The following FAR2 variants were observed in gnomAD, a reference collection of about 807,000 sequenced individuals.
FAR2 encodes epididymis secretory protein Li 81.
Under a neutral mutation model 56.0 loss-of-function variants are expected in FAR2, and 19 were observed. The ratio of observed to expected loss-of-function variants is 0.34; its 90% CI spans 0.24 to 0.50. FAR2 has a LOEUF of 0.50. Ranked by LOEUF, FAR2 falls within the 20% of genes least tolerant of loss-of-function variation. FAR2 has a pLI of 0.98. For synonymous variants in FAR2, 219 were observed against 218.8 expected (o/e 1.00, Z -0.01); for missense variants, 508 against 642.2 (o/e 0.79, Z 2.26).
intron 2 of FAR2, among the ~76,000 whole-genome samples, chr12:29,279,328 C>T: frequency 6.6e-6 from 1 of 152,242 alleles, no homozygotes; most frequent in East Asian, 1.9e-4. Context: ...GAACACTTGC[C>T]TCGGACTGCC....
chr12:29,246,023 C>A (rs913296241), intron 1 of FAR2, among the ~76,000 whole-genome samples: 1 of 151,346 alleles, frequency 6.6e-6, no homozygotes, highest in East Asian at 1.9e-4. Context: ...TATTGTTATA[C>A]ATAATATGCT....
intron 1 of FAR2, among the ~76,000 whole-genome samples, chr12:29,248,989 A>T (rs1416889006): frequency 6.6e-6 from 1 of 152,172 alleles, no homozygotes; most frequent in Non-Finnish European, 1.5e-5. Context: ...AGGTGCCCAG[A>T]TTTCATATTG....
intron 10 of FAR2, among the ~76,000 whole-genome samples, chr12:29,331,210 C>CTTT (rs34349053): frequency 1.4e-5 from 2 of 142,116 alleles, no homozygotes. Context: ...TAAAGATAGG[C>CTTT]TTTTTTTTTT....
At chr12:29,264,616 A>AAAAT (rs148784734) in intron 1 of FAR2, among the ~76,000 whole-genome samples, 58,245 of 129,864 alleles carry the variant, frequency 0.45, 14,249 homozygotes, top group African/African-American at 0.5. Flanking sequence ...ATCCTGTCTC[A>AAAAT]AAATAAATAA....
chr12:29,172,069 G>C (rs149352423), intron 1 of FAR2: 5,185 of 146,864 alleles, frequency 0.035, 133 homozygotes, highest in Middle Eastern at 0.085. Context: ...AGTGAGGAGC[G>C]CCTCTGCCCA....
chr12:29,318,481 T>C (rs1284832058), intron 9 of FAR2, among the ~76,000 whole-genome samples: 1 of 152,182 alleles, frequency 6.6e-6, no homozygotes, highest in Non-Finnish European at 1.5e-5. Context: ...AAAATCTATA[T>C]GTATCTTGTG....
chr12:29,200,229 A>G (rs1947389399), intron 1 of FAR2, among the ~76,000 whole-genome samples: 1 of 152,188 alleles, frequency 6.6e-6, no homozygotes, highest in Non-Finnish European at 1.5e-5. Flanking sequence ...ATTTATGAAG[A>G]TTACAGTGTG....
intron 3 of FAR2, among the ~76,000 whole-genome samples, chr12:29,294,312 A>C (rs189018587): frequency 6.6e-6 from 1 of 151,446 alleles, no homozygotes; most frequent in East Asian, 1.9e-4. Context: ...TTTTTTTCTT[A>C]TTAAGACTTC....
chr12:29,183,283 G>A (rs1053146848), intron 1 of FAR2, among the ~76,000 whole-genome samples: 2 of 151,782 alleles, frequency 1.3e-5, no homozygotes, highest in East Asian at 3.9e-4. Flanking sequence ...TCTTTCCTTG[G>A]CCTCCTTTTC....
At chr12:29,237,160 C>T (rs998628582) in intron 1 of FAR2, among the ~76,000 whole-genome samples, 5 of 152,062 alleles carry the variant, frequency 3.3e-5, no homozygotes, top group Non-Finnish European at 7.4e-5. Context: ...GAGTTAAGTG[C>T]AAAGTGATTG....
At chr12:29,246,882 C>T (rs1037943860) in intron 1 of FAR2, among the ~76,000 whole-genome samples, 1 of 151,712 alleles carries the variant, frequency 6.6e-6, no homozygotes, top group African/African-American at 2.4e-5. Context: ...TAACATGGAA[C>T]AAGTTCCTAT....
intron 1 of FAR2, among the ~76,000 whole-genome samples, chr12:29,231,973 A>T (rs1000419853): frequency 2.0e-5 from 3 of 152,210 alleles, no homozygotes; most frequent in Non-Finnish European, 4.4e-5. Flanking sequence ...AGATTTTCAA[A>T]TGTTTGGAGA....
chr12:29,322,089 T>C (rs562205524), intron 10 of FAR2, among the ~76,000 whole-genome samples, 165 bp downstream of exon 10: 38 of 152,346 alleles, frequency 2.5e-4, no homozygotes, highest in Non-Finnish European at 4.7e-4. Flanking sequence ...AACACCACCG[T>C]AGGAAACAAG....
At chr12:29,188,568 A>G (rs769045252) in intron 1 of FAR2, among the ~76,000 whole-genome samples, 1 of 152,190 alleles carries the variant, frequency 6.6e-6, no homozygotes, top group East Asian at 1.9e-4. Context: ...CATTGTTAGC[A>G]TCTTAATATA....
intron 6 of FAR2, chr12:29,309,647 T>C (rs7294517): frequency 0.032 from 4,880 of 154,332 alleles, 102 homozygotes; most frequent in South Asian, 0.069. Flanking sequence ...TATGTGCGTG[T>C]GTAGAAAAGA....
In FAR2 at chr12:29,257,533, T is replaced by C. The variant is rs542680558; in HGVS notation, c.-38-12879T>C. Among the ~76,000 whole-genome samples the C allele has an allele frequency of 2.8e-3, 430 of 152,244 alleles. 2 individuals are homozygous for C. The highest frequency in any genetic ancestry group is 4.9e-3 in the Non-Finnish European group (331 of 68,004). On this transcript the variant is annotated intron_variant, in intron 1 of 11. Transcript: ENST00000536681. The stretch of plus-strand genomic sequence containing the variant: ...AGCTTTGTTCTTTCGCTCTTTGCAA[T>C]AAATCTTGCTACTGCTCACTCTTTG...
chr12:29,292,265 C>T (rs930386174), intron 2 of FAR2: 11 of 152,178 alleles, frequency 7.2e-5, no homozygotes, highest in African/African-American at 2.7e-4. Context: ...GAAACCATCT[C>T]CTACTTCTTG....
At chr12:29,252,633 G>C (rs1023085600) in intron 1 of FAR2, among the ~76,000 whole-genome samples, 2 of 152,130 alleles carry the variant, frequency 1.3e-5, no homozygotes, top group African/African-American at 4.8e-5. Context: ...CAGATATCAC[G>C]AAAAAAAGTA....
chr12:29,311,984 T>C, intron 8 of FAR2, 34 bp downstream of exon 8: 11 of 1,499,046 alleles, frequency 7.3e-6, no homozygotes, highest in Non-Finnish European at 1.0e-5. Flanking sequence ...CTATAATTAC[T>C]AGTGTCTGGC....
Sources: gnomAD v4.1 joint callset for allele counts (sites outside exome capture counted in the v4.1 genomes callset) on GRCh38, gnomAD v4.1.1 for gene constraint, MANE v1.5 for transcripts, NCBI Gene and HGNC (gene_info 2026-07-23, HGNC 2026-07-21) for gene names.